SLC2A5: variants seen among roughly 807,000 people sequenced by gnomAD.
SLC2A5 encodes the protein solute carrier family 2 member 5, also known as solute carrier family 2, facilitated glucose transporter member 5.
In SLC2A5, 56 loss-of-function variants were observed where a neutral mutation model predicts 50.3. The observed-to-expected ratio is 1.11, with a 90% CI of 0.90 to 1.39. The LOEUF (loss-of-function observed/expected upper bound fraction) is 1.39, where lower values mean the gene tolerates loss of function less well. Among genes scored for constraint, SLC2A5 ranks in the 40% most tolerant of loss-of-function variants. The pLI is 0.00. For missense variants in SLC2A5, 566 were observed against 650.1 expected (o/e 0.87, Z 1.41); for synonymous variants, 269 against 281.9 (o/e 0.95, Z 0.46).
At chr1:9,046,102 G>A (rs973959326) in intron 4 of SLC2A5, among the ~76,000 whole-genome samples, 1 of 152,076 alleles carries the variant, frequency 6.6e-6, no homozygotes, top group Non-Finnish European at 1.5e-5. Flanking sequence ...CTATCCCTGC[G>A]TTTGGAAGGA....
intron 4 of SLC2A5, among the ~76,000 whole-genome samples, chr1:9,044,354 A>G (rs1293176169): frequency 6.6e-6 from 1 of 151,850 alleles, no homozygotes; most frequent in Non-Finnish European, 1.5e-5. Flanking sequence ...AACAAACAAA[A>G]AGTTTAAATT....
Position 9,040,119 on chromosome 1 carries a change from G to A in SLC2A5, c.642C>T (p.Pro214=), listed in dbSNP as rs756163145. 7 of 1,597,134 alleles carry A rather than the reference G, an allele frequency of 4.4e-6. No homozygotes were observed. The highest frequency in any genetic ancestry group is 1.3e-5 in the African/African-American group (1 of 74,508). Residue 214 remains proline (P), a synonymous_variant, in exon 6 of 12, where the codon CCC becomes CCT. Transcript: ENST00000377424. The surrounding 1 kb of genome is among the most constrained non-coding windows in gnomAD (Gnocchi z 4.3). ...GAATCAGCAGGTACCTGGGGCTCTC[G>A]GGGAAGAAGGGCAGCAGAAGGAGCT... The part of the protein sequence containing the change: ...ALQLLLLPFF[P]ESPRYLLIQK...
chr1:9,052,478 T>C (rs1049875997), intron 3 of SLC2A5, among the ~76,000 whole-genome samples: 1 of 152,124 alleles, frequency 6.6e-6, no homozygotes, highest in Non-Finnish European at 1.5e-5. Context: ...TAATGGTGGA[T>C]ACAAGTCATT....
chr1:9,037,984 C>T lies in SLC2A5; in HGVS notation c.1215G>A (p.Gln405=). The T allele has an allele frequency of 1.2e-6, 2 of 1,613,940 alleles. No individual in the cohort carries two copies. The highest frequency in any genetic ancestry group is 1.7e-6 in the Non-Finnish European group (2 of 1,180,000). ...CCATGAAGGCAGATGGCCGAGAGGACTGCAGGAAGATCTCAGTGATGAGCA... is the reference window on the plus strand; with the variant it reads ...CCATGAAGGCAGATGGCCGAGAGGATTGCAGGAAGATCTCAGTGATGAGCA... ...PALLITEIFL[Q]SSRPSAFMVG... The change falls in exon 11 of 12, where the codon CAG becomes CAA. Residue 405 remains glutamine (Q), a synonymous_variant. Transcript: ENST00000377424.
At chr1:9,086,364 G>A (rs1347017895) in intron 1 of SLC2A5, among the ~76,000 whole-genome samples, 1 of 150,864 alleles carries the variant, frequency 6.6e-6, no homozygotes, top group African/African-American at 2.5e-5. Flanking sequence ...AAGCTCAGAG[G>A]CTGGGATTTT....
chr1:9,068,428 C>T (rs1642138649), intron 1 of SLC2A5, among the ~76,000 whole-genome samples: 1 of 147,308 alleles, frequency 6.8e-6, no homozygotes, highest in East Asian at 2.0e-4. Context: ...ATCCTGGGGG[C>T]TTCTACTTCC....
intron 2 of SLC2A5, among the ~76,000 whole-genome samples, chr1:9,057,890 C>G (rs958540725): frequency 6.6e-6 from 1 of 152,148 alleles, no homozygotes; most frequent in African/African-American, 2.4e-5. Context: ...CTGGCCCCCC[C>G]GGATTCCCTC....
chr1:9,054,322 G>A (rs1384289129), intron 3 of SLC2A5, among the ~76,000 whole-genome samples: 1 of 152,162 alleles, frequency 6.6e-6, no homozygotes. Flanking sequence ...AAGAAGACCT[G>A]AAGACAATGG....
intron 9 of SLC2A5, 95 bp downstream of exon 9, chr1:9,038,733 C>T: frequency 6.8e-7 from 1 of 1,472,722 alleles, no homozygotes; most frequent in Non-Finnish European, 9.0e-7. Flanking sequence ...TCATTGTGAC[C>T]CCTTTTATTT....
In SLC2A5 at chr1:9,082,135, T is replaced by C. The variant is rs143744108; in HGVS notation, c.-59+2879A>G. 4.9e-3 allele frequency among the ~76,000 whole-genome samples: 739 copies of C among 152,196 alleles called. 17 individuals are homozygous for C. Among genetic ancestry groups the C allele is most frequent in the South Asian group, 2.5e-3 (12 of 4,822 alleles). ...TTAGAATGTGGAGAAATTAGAACAC[T>C]TGTACCTTGCCGATGGGAATGTAAA... On this transcript the variant is annotated intron_variant, in intron 2 of 5. Coordinates refer to the SLC2A5 transcript ENST00000464985.
chr1:9,047,556 G>C (rs1641466132), intron 4 of SLC2A5, 54 bp downstream of exon 4: 2 of 1,590,892 alleles, frequency 1.3e-6, no homozygotes, highest in South Asian at 1.1e-5. Context: ...GGAACCTGTT[G>C]TCCTCCTCCT....
At chr1:9,066,289 G>A (rs907014879) in intron 1 of SLC2A5, among the ~76,000 whole-genome samples, 4 of 151,994 alleles carry the variant, frequency 2.6e-5, no homozygotes, top group Non-Finnish European at 5.9e-5. Context: ...AGGCTGGAGC[G>A]CAGTGGCACT....
chr1:9,051,726 A>T (rs1180049199), intron 3 of SLC2A5, among the ~76,000 whole-genome samples: 5 of 152,222 alleles, frequency 3.3e-5, no homozygotes, highest in Non-Finnish European at 7.3e-5. Context: ...GCAGTTTCCT[A>T]TAAAATTAAA....
chr1:9,075,348 G>A lies in SLC2A5; in HGVS notation c.-58-5754C>T, dbSNP rs142855844. Reference sequence around the variant, plus strand: ...GCAGGTTAGCTCCTGCAGCCGTGGCGTAATCCAACATCCCAAGAGCCATCC... The same window carrying A: ...GCAGGTTAGCTCCTGCAGCCGTGGCATAATCCAACATCCCAAGAGCCATCC... On this transcript the variant is annotated intron_variant, in intron 2 of 5. Transcript: ENST00000464985. Among the ~76,000 whole-genome samples, 107 of 152,238 alleles carry A rather than the reference G, an allele frequency of 7.0e-4. 2 individuals are homozygous for A. In the East Asian group the frequency reaches 0.017, roughly 25 times the overall value.
intron 2 of SLC2A5, among the ~76,000 whole-genome samples, chr1:9,079,466 C>T (rs563414268): frequency 6.6e-6 from 1 of 152,212 alleles, no homozygotes; most frequent in South Asian, 2.1e-4. Context: ...TGGATAGACA[C>T]TCCTCTTTTT....
At chr1:9,067,772 G>T (rs965168266) in intron 1 of SLC2A5, among the ~76,000 whole-genome samples, 1 of 152,204 alleles carries the variant, frequency 6.6e-6, no homozygotes, top group African/African-American at 2.4e-5. Context: ...AGAAGGTAGA[G>T]CCAGGGACGC....
chr1:9,089,484 T>C (rs1350690778), upstream of SLC2A5, among the ~76,000 whole-genome samples: 1 of 152,202 alleles, frequency 6.6e-6, no homozygotes, highest in African/African-American at 2.4e-5. Flanking sequence ...TGGGATCTCC[T>C]AAATACAGCC....
At chr1:9,081,022 C>G (rs905846782) in intron 2 of SLC2A5, among the ~76,000 whole-genome samples, 1 of 152,054 alleles carries the variant, frequency 6.6e-6, no homozygotes, top group Non-Finnish European at 1.5e-5. Context: ...GCAAATCACT[C>G]GAGCTCAGGA....
chr1:9,040,692 G>A lies in SLC2A5; in HGVS notation c.572-503C>T, dbSNP rs762101224. On this transcript the variant is annotated intron_variant, in intron 5 of 11. Transcript: ENST00000377424. The surrounding 1 kb of genome is among the most constrained non-coding windows in gnomAD (Gnocchi z 4.3). ...TTGGTACTGCAAAGGCAAAACTAGA[G>A]GCAAAGCAAAAAAATGAAGCACAGA... 1 of 155,696 alleles carries A rather than the reference G, an allele frequency of 6.4e-6. No individual in the cohort carries two copies. The highest frequency in any genetic ancestry group is 1.4e-5 in the Non-Finnish European group (1 of 70,434). The allele number at this position is 155,696 out of a possible 1,614,324, so 9.6% of individuals were successfully genotyped here.
Sources: gnomAD v4.1 joint callset for allele counts (sites outside exome capture counted in the v4.1 genomes callset) on GRCh38, gnomAD v4.1.1 for gene constraint, Gnocchi (gnomAD v3.1) non-coding constraint, MANE v1.5 for transcripts, NCBI Gene and HGNC (gene_info 2026-07-23, HGNC 2026-07-21) for gene names.